Variants in MYRIP observed in about 807,000 individuals in gnomAD.
MYRIP encodes myosin VIIA and Rab interacting protein, also known as rab effector MyRIP.
In MYRIP, 49 loss-of-function variants were observed where a neutral mutation model predicts 98.0. That is an observed-to-expected ratio of 0.50 (90% confidence interval 0.40 to 0.63). The LOEUF is 0.63. Among genes scored for constraint, MYRIP ranks in the 30% least tolerant of loss-of-function variants. The pLI is 0.00. For synonymous variants in MYRIP, 404 were observed against 409.5 expected, an observed-to-expected ratio of 0.99 and a Z score of 0.16; for missense variants, 1,004 against 1,058.2, an observed-to-expected ratio of 0.95 and a Z score of 0.71.
chr3:40,048,879 G>A (rs1174573789), intron 3 of MYRIP, among the ~76,000 whole-genome samples: 6 of 151,874 alleles, frequency 4.0e-5, no homozygotes, highest in Admixed American at 3.9e-4. Context: ...ATAGAAAATG[G>A]GATACTACTG....
chr3:39,952,726 T>C (rs1945055518), intron 2 of MYRIP, among the ~76,000 whole-genome samples: 1 of 152,322 alleles, frequency 6.6e-6, no homozygotes, highest in African/African-American at 2.4e-5. Flanking sequence ...TAGTAATGAA[T>C]TTTCCCCCTC....
chr3:40,138,162 G>A (rs898495755), intron 3 of MYRIP, among the ~76,000 whole-genome samples: 2 of 152,242 alleles, frequency 1.3e-5, no homozygotes, highest in African/African-American at 4.8e-5. Context: ...CCGCATTGCG[G>A]CACATATCCC....
chr3:40,118,998 G>T (rs1277297852), intron 3 of MYRIP, among the ~76,000 whole-genome samples: 4 of 151,852 alleles, frequency 2.6e-5, no homozygotes, highest in Non-Finnish European at 5.9e-5. Context: ...ATTTGGGTTG[G>T]TTCCAAGTCT....
intron 2 of MYRIP, among the ~76,000 whole-genome samples, chr3:40,002,332 C>T (rs866198224): frequency 3.3e-5 from 5 of 152,150 alleles, no homozygotes; most frequent in African/African-American, 7.2e-5. Flanking sequence ...GTCAGGAGTT[C>T]GAGACCAGCC....
At position 40,167,257 on chromosome 3, in the gene MYRIP, G is replaced by T. The variant is rs751515260; in HGVS notation, c.729+18G>T. ...TGCAGAAGGTAGGTGGGTCCTGGCA[G>T]TGGGATGGCTGCAGTTTCCTGGCTG... On this transcript the variant is annotated intron_variant, in intron 7 of 16. Coordinates refer to ENST00000302541, the MANE Select transcript of MYRIP (RefSeq NM_015460.4). The T allele has an allele frequency of 6.2e-7, 1 of 1,612,782 alleles. No homozygotes were observed. The highest frequency in any genetic ancestry group is 8.5e-7 in the Non-Finnish European group (1 of 1,178,896).
chr3:40,211,294 G>A (rs1951921221), intron 11 of MYRIP, among the ~76,000 whole-genome samples: 1 of 152,168 alleles, frequency 6.6e-6, no homozygotes, highest in Admixed American at 6.6e-5. Flanking sequence ...AAACTAAGAA[G>A]TTGCTGGTAA....
At chr3:40,190,554 G>T in intron 10 of MYRIP, 91 bp downstream of exon 10, 1 of 1,478,262 alleles carries the variant, frequency 6.8e-7, no homozygotes. Flanking sequence ...TCCTGGGTTT[G>T]GAATCCGCAG....
At chr3:40,193,248 G>A (rs935724542) in intron 10 of MYRIP, among the ~76,000 whole-genome samples, 5 of 152,198 alleles carry the variant, frequency 3.3e-5, no homozygotes, top group African/African-American at 1.2e-4. Context: ...GTGTGCAATA[G>A]GGGATGCATT....
At chr3:40,009,185 C>T (rs1269303449) in intron 2 of MYRIP, among the ~76,000 whole-genome samples, 2 of 151,828 alleles carry the variant, frequency 1.3e-5, no homozygotes, top group Non-Finnish European at 2.9e-5. Context: ...CCATTGCTGG[C>T]GCCCTCTCCT....
At chr3:40,064,767 G>A (rs527319472) in intron 3 of MYRIP, among the ~76,000 whole-genome samples, 4 of 152,258 alleles carry the variant, frequency 2.6e-5, no homozygotes, top group African/African-American at 9.6e-5. Context: ...CTTATAAAAA[G>A]TGATAAAATG....
At chr3:39,953,616 G>A (rs1320033356) in intron 2 of MYRIP, among the ~76,000 whole-genome samples, 3 of 152,156 alleles carry the variant, frequency 2.0e-5, no homozygotes, top group South Asian at 2.1e-4. Flanking sequence ...CAGTGTGAGC[G>A]ACACAGAAGA....
chr3:40,187,011 A>C (rs576069833), intron 9 of MYRIP, among the ~76,000 whole-genome samples: 1 of 152,236 alleles, frequency 6.6e-6, no homozygotes, highest in Non-Finnish European at 1.5e-5. Context: ...TGTCAATGAA[A>C]ATAGTGTTGC....
chr3:39,895,497 T>C (rs1258817868), intron 1 of MYRIP, among the ~76,000 whole-genome samples: 2 of 149,846 alleles, frequency 1.3e-5, no homozygotes, highest in Admixed American at 6.7e-5. Flanking sequence ...AATTGTTGCT[T>C]GCCTTTTAAT....
chr3:40,243,563 T>C (rs752669670), intron 12 of MYRIP, among the ~76,000 whole-genome samples: 2 of 152,256 alleles, frequency 1.3e-5, no homozygotes, highest in African/African-American at 2.4e-5. Context: ...TAGGATTTTA[T>C]ATATGTTGAT....
intron 1 of MYRIP, among the ~76,000 whole-genome samples, chr3:39,818,740 G>A (rs1001204408): frequency 6.6e-6 from 1 of 152,058 alleles, no homozygotes; most frequent in Non-Finnish European, 1.5e-5. Context: ...GAAGATATAT[G>A]CCTAGAAGTG....
At chr3:39,856,769 C>A (rs1466838792) in intron 1 of MYRIP, among the ~76,000 whole-genome samples, 1 of 152,216 alleles carries the variant, frequency 6.6e-6, no homozygotes, top group Non-Finnish European at 1.5e-5. Context: ...AGTGAAGGTC[C>A]TTCCCTGCCC....
At chr3:39,847,292 G>A (rs1336501763) in intron 1 of MYRIP, among the ~76,000 whole-genome samples, 1 of 152,120 alleles carries the variant, frequency 6.6e-6, no homozygotes, top group African/African-American at 2.4e-5. Flanking sequence ...TCACTCTTGT[G>A]TATCCCATAA....
intron 16 of MYRIP, among the ~76,000 whole-genome samples, chr3:40,252,981 TC>T (rs1559478557): frequency 6.6e-6 from 1 of 152,196 alleles, no homozygotes; most frequent in African/African-American, 2.4e-5. Flanking sequence ...TCTACTGAAC[TC>T]CTAACATCAC....
At chr3:40,231,004 T>C (rs1470678546) in intron 11 of MYRIP, among the ~76,000 whole-genome samples, 1 of 152,108 alleles carries the variant, frequency 6.6e-6, no homozygotes, top group East Asian at 1.9e-4. Context: ...TTTTGCATTT[T>C]AGTAGAGACA....
Sources: gnomAD v4.1 joint callset for allele counts (sites outside exome capture counted in the v4.1 genomes callset) on GRCh38, gnomAD v4.1.1 for gene constraint, MANE v1.5 for transcripts, NCBI Gene and HGNC (gene_info 2026-07-23, HGNC 2026-07-21) for gene names.